The following LARP4B variants were observed in gnomAD, a reference collection of about 807,000 sequenced individuals.
The protein encoded by LARP4B is La ribonucleoprotein 4B, also known as la-related protein 4B.
In LARP4B, 12 loss-of-function variants were observed where a neutral mutation model predicts 89.8. The ratio of observed to expected loss-of-function variants is 0.13; its 90% CI spans 0.09 to 0.22. The LOEUF is 0.22. Among genes scored for constraint, LARP4B ranks in the 10% least tolerant of loss-of-function variants. The probability of loss-of-function intolerance (pLI) is 1.00; values close to 1 mark genes in which losing one functional copy is unlikely to be tolerated. For missense variants in LARP4B, 757 were observed against 947.7 expected (o/e 0.80, Z 2.64); for synonymous variants, 367 against 363.3 (o/e 1.01, Z -0.12).
chr10:829,347 T>G (rs17159950), intron 11 of LARP4B, 38 bp downstream of exon 11: 257,504 of 1,489,944 alleles, frequency 0.17, 24,329 homozygotes, highest in Non-Finnish European at 0.2. Flanking sequence ...TCTAGCATAG[T>G]GTCTACAACA....
intron 8 of LARP4B, among the ~76,000 whole-genome samples, chr10:832,853 T>C (rs1464996619): frequency 6.6e-6 from 1 of 152,182 alleles, no homozygotes; most frequent in Non-Finnish European, 1.5e-5. Flanking sequence ...CAGATTGACA[T>C]AAAGGAATGA....
chr10:883,301 C>T (rs1264976017), intron 3 of LARP4B, among the ~76,000 whole-genome samples: 1 of 151,964 alleles, frequency 6.6e-6, no homozygotes. Flanking sequence ...CACCTGAGGT[C>T]ACAAGTTCAA....
intron 1 of LARP4B, among the ~76,000 whole-genome samples, chr10:908,462 G>A (rs1219962260): frequency 6.6e-6 from 1 of 152,166 alleles, no homozygotes; most frequent in Non-Finnish European, 1.5e-5. Context: ...GGGGATCCTA[G>A]GAAGCATGGG....
the LARP4B span, among the ~76,000 whole-genome samples, chr10:962,298 CAAA>C: frequency 6.6e-5 from 4 of 60,590 alleles, no homozygotes; most frequent in Non-Finnish European, 1.1e-4. Flanking sequence ...ACTCCATCTC[CAAA>C]AAAAAAAAAA....
At chr10:907,256 T>A (rs1470453798) in intron 1 of LARP4B, among the ~76,000 whole-genome samples, 5 of 152,202 alleles carry the variant, frequency 3.3e-5, no homozygotes, top group Non-Finnish European at 7.3e-5. Flanking sequence ...TAATTTATTA[T>A]CTTGTGGCAA....
chr10:825,925 C>CA, intron 11 of LARP4B, 55 bp from the exon 12 acceptor site: 1 of 1,122,634 alleles, frequency 8.9e-7, no homozygotes, highest in East Asian at 2.5e-5. Flanking sequence ...ACTTCAATTT[C>CA]ATTAATACCA....
intron 1 of LARP4B, among the ~76,000 whole-genome samples, chr10:911,965 CT>C (rs565020862): frequency 6.4e-4 from 97 of 152,292 alleles, no homozygotes; most frequent in Non-Finnish European, 1.1e-3. Flanking sequence ...AGTTTGAACA[CT>C]TGGAGGTTAG....
At chr10:905,547 A>T (rs1836465555) in intron 1 of LARP4B, among the ~76,000 whole-genome samples, 1 of 152,168 alleles carries the variant, frequency 6.6e-6, no homozygotes, top group African/African-American at 2.4e-5. Context: ...CCCAGTCTAG[A>T]TCCCATTTAC....
intron 1 of LARP4B, among the ~76,000 whole-genome samples, chr10:913,115 TG>T (rs1240548038): frequency 1.3e-5 from 2 of 152,208 alleles, no homozygotes; most frequent in East Asian, 1.9e-4. Context: ...TCTCTGCCTT[TG>T]GGATGTAAGT....
chr10:937,965 A>G, the LARP4B span, among the ~76,000 whole-genome samples: 53 of 151,204 alleles, frequency 3.5e-4, no homozygotes, highest in African/African-American at 1.2e-3. Flanking sequence ...GCTCACTACA[A>G]CCTCCACCTC....
At chr10:879,691 A>G (rs1207141744) in intron 3 of LARP4B, among the ~76,000 whole-genome samples, 1 of 152,032 alleles carries the variant, frequency 6.6e-6, no homozygotes, top group Non-Finnish European at 1.5e-5. Flanking sequence ...TGGGGTCTTG[A>G]ACTGGGCTCA....
At chr10:835,523 C>A (rs1833163678) in intron 8 of LARP4B, among the ~76,000 whole-genome samples, 1 of 152,202 alleles carries the variant, frequency 6.6e-6, no homozygotes, top group Non-Finnish European at 1.5e-5. Context: ...GTTGCCAGCA[C>A]CTTCTACAAA....
intron 3 of LARP4B, among the ~76,000 whole-genome samples, chr10:872,554 G>C (rs572937554): frequency 6.6e-6 from 1 of 152,140 alleles, no homozygotes; most frequent in Non-Finnish European, 1.5e-5. Context: ...TCTCCCTATC[G>C]GATAGGTCTA....
intron 1 of LARP4B, among the ~76,000 whole-genome samples, chr10:901,704 T>C (rs1836350760): frequency 6.6e-6 from 1 of 152,238 alleles, no homozygotes; most frequent in African/African-American, 2.4e-5. Context: ...TGTTTATACA[T>C]TTAAACTGGC....
intron 15 of LARP4B, 62 bp from the exon 16 acceptor site, chr10:815,132 T>C: frequency 6.7e-7 from 1 of 1,495,172 alleles, no homozygotes; most frequent in Non-Finnish European, 8.9e-7. Flanking sequence ...CTGGTACCAG[T>C]GCCCGTTCAC....
intron 1 of LARP4B, among the ~76,000 whole-genome samples, chr10:907,042 T>A (rs1045630832): frequency 3.9e-5 from 6 of 152,142 alleles, no homozygotes; most frequent in African/African-American, 1.4e-4. Flanking sequence ...ACTGAGATGC[T>A]CTCCCCATCC....
At chr10:837,949 A>C (rs888928339) in intron 7 of LARP4B, among the ~76,000 whole-genome samples, 1 of 152,204 alleles carries the variant, frequency 6.6e-6, no homozygotes, top group African/African-American at 2.4e-5. Context: ...CAAAAAAAAA[A>C]ACAGCTGTAC....
At chr10:912,679 CTGGGCAACA>C (rs1836700535) in intron 1 of LARP4B, among the ~76,000 whole-genome samples, 1 of 138,890 alleles carries the variant, frequency 7.2e-6, no homozygotes, top group South Asian at 2.3e-4. Flanking sequence ...CAAAACCAGC[CTGGGCAACA>C]TGGAGAAACC....
At chr10:824,494 AAAACAAACAAAC>A (rs149582198) in intron 13 of LARP4B, among the ~76,000 whole-genome samples, 22 of 151,876 alleles carry the variant, frequency 1.4e-4, no homozygotes, top group African/African-American at 4.1e-4. Flanking sequence ...CCCTGTCTTA[AAAACAAACAAAC>A]AAACAAACAA....
Sources: allele counts gnomAD v4.1 joint callset (sites outside exome capture counted in the v4.1 genomes callset), GRCh38; gene constraint gnomAD v4.1.1; transcripts MANE v1.5; gene names NCBI Gene and HGNC (gene_info 2026-07-23, HGNC 2026-07-21).